Variants in REV1 observed in about 807,000 individuals in gnomAD.
REV1 encodes the protein translesion synthesis protein REV1.
In REV1, 42 loss-of-function variants were observed where a neutral mutation model predicts 137.4. The observed-to-expected ratio is 0.31, with a 90% CI of 0.24 to 0.40. The LOEUF is 0.40. Ranked by LOEUF, REV1 falls within the 10% of genes least tolerant of loss-of-function variation. REV1 has a pLI of 1.00. For synonymous variants in REV1, 524 were observed against 519.2 expected, an observed-to-expected ratio of 1.01 and a Z score of -0.12; for missense variants, 1,282 against 1,490.1, an observed-to-expected ratio of 0.86 and a Z score of 2.30.
chr2:99,458,139 T>C (rs1683741553), intron 3 of REV1, among the ~76,000 whole-genome samples: 1 of 152,284 alleles, frequency 6.6e-6, no homozygotes, highest in African/African-American at 2.4e-5. Context: ...CAAAAGACCA[T>C]TTCAAGAGGA....
In REV1 at chr2:99,405,982, CCAT is replaced by C; in HGVS notation, c.2736_2738del (p.Trp913del). ...CACTGACAGGAGTATGTAGACCATTCCATTTCCCTGAAGACTCAGCCTTGTTAG... is the reference window on the plus strand; with the variant it reads ...CACTGACAGGAGTATGTAGACCATTCTTCCCTGAAGACTCAGCCTTGTTAG... On this transcript the variant is annotated inframe_deletion, in exon 17 of 23. Coordinates refer to ENST00000258428, the MANE Select transcript of REV1 (RefSeq NM_016316.4). 6.2e-7 allele frequency: 1 copy of C among 1,614,036 alleles called. No individual in the cohort carries two copies. The highest frequency in any genetic ancestry group is 8.5e-7 in the Non-Finnish European group (1 of 1,179,930).
Position 99,401,336 on chromosome 2 carries a change from CCGATTG to C in REV1, c.3655_3660del (p.Gln1219_Ser1220del). 2.5e-6 allele frequency: 4 copies of C among 1,612,920 alleles called. No homozygotes were observed. Among genetic ancestry groups the C allele is most frequent in the Non-Finnish European group, 3.4e-6 (4 of 1,179,132 alleles). ...AATGCCATATTCCAAACCGATTCCA[CCGATTG>C]CTGCATCAGCCTAAAGGTGGGGAGA... On this transcript the variant is annotated inframe_deletion, in exon 23 of 23. Transcript: ENST00000258428.
intron 10 of REV1, among the ~76,000 whole-genome samples, chr2:99,422,142 T>C (rs1011133484): frequency 2.6e-5 from 4 of 152,352 alleles, no homozygotes; most frequent in Admixed American, 2.6e-4. Flanking sequence ...CCACTCACTG[T>C]AGCAGGCCTA....
chr2:99,419,667 G>A (rs552443680), intron 11 of REV1, among the ~76,000 whole-genome samples: 1 of 152,186 alleles, frequency 6.6e-6, no homozygotes, highest in South Asian at 2.1e-4. Flanking sequence ...AGCAGCAGTG[G>A]GAACTGAGGG....
At chr2:99,409,009 C>T (rs184941537) in intron 14 of REV1, among the ~76,000 whole-genome samples, 1 of 152,250 alleles carries the variant, frequency 6.6e-6, no homozygotes, top group Non-Finnish European at 1.5e-5. Context: ...CCACTAAAAG[C>T]TGAGCACAGT....
chr2:99,421,264 C>G (rs1678632735), intron 11 of REV1, among the ~76,000 whole-genome samples: 1 of 151,836 alleles, frequency 6.6e-6, no homozygotes, highest in Non-Finnish European at 1.5e-5. Context: ...TTGAATGAAA[C>G]CTTCCCAATT....
At chr2:99,472,395 A>G (rs1180065828) in intron 1 of REV1, among the ~76,000 whole-genome samples, 1 of 152,216 alleles carries the variant, frequency 6.6e-6, no homozygotes, top group Non-Finnish European at 1.5e-5. Flanking sequence ...TTGCGGGTGG[A>G]GTTACTGTTT....
chr2:99,440,301 T>C (rs1297574232), intron 5 of REV1, among the ~76,000 whole-genome samples: 2 of 152,246 alleles, frequency 1.3e-5, no homozygotes, highest in Non-Finnish European at 2.9e-5. Context: ...CAAATGTCCA[T>C]AGCATTAATT....
In REV1 at chr2:99,435,629, A is replaced by G. The variant is rs1680645185; in HGVS notation, c.1321+205T>C. ...ATGACATATCCTTCAGCTGAAGATG[A>G]ATATTCTTCCCTGAAGATCCCTATA... is the stretch of plus-strand genomic sequence containing the variant. On this transcript the variant is annotated intron_variant, in intron 7 of 22. Transcript: ENST00000258428. 4 of 375,220 alleles carry G rather than the reference A, an allele frequency of 1.1e-5. No homozygotes were observed. The East Asian group carries it at 1.9e-4, about 18-fold the overall frequency. The allele number at this position is 375,220 out of a possible 1,614,324, so 23.2% of individuals were successfully genotyped here. A position where few individuals can be genotyped will look rare whatever the true frequency, so the allele number is the denominator to read the frequency against.
intron 1 of REV1, among the ~76,000 whole-genome samples, chr2:99,466,797 G>A (rs1684855709): frequency 6.6e-6 from 1 of 152,152 alleles, no homozygotes; most frequent in African/African-American, 2.4e-5. Context: ...TTTTAAGTCT[G>A]ATGAAGGCAG....
In REV1 at chr2:99,403,057, T is replaced by C. The variant is rs1553538622; in HGVS notation, c.3216A>G (p.Lys1072=). ...LHLKAAVKEK[K]RNKKKKTIGS... is the part of the protein sequence containing the mutation. ...CAATGGTTTTTTTCTTCTTGTTTCTTTTCTTTTCTTTCACTGCTGCCTTTA... is the reference window on the plus strand; with the variant it reads ...CAATGGTTTTTTTCTTCTTGTTTCTCTTCTTTTCTTTCACTGCTGCCTTTA... The change falls in exon 20 of 23, where the codon AAA becomes AAG. Residue 1072 remains lysine, a synonymous_variant. Coordinates refer to ENST00000258428, the MANE Select transcript of REV1 (RefSeq NM_016316.4). 3 of 1,613,604 alleles carry C rather than the reference T, an allele frequency of 1.9e-6. No individual in the cohort carries two copies. The Admixed American group carries it at 5.0e-5, about 27-fold the overall frequency.
At chr2:99,482,039 G>C (rs1051070919) in intron 1 of REV1, among the ~76,000 whole-genome samples, 2 of 152,154 alleles carry the variant, frequency 1.3e-5, no homozygotes, top group Non-Finnish European at 2.9e-5. Context: ...TTCAGGATGG[G>C]GCCTGGCCAT....
At chr2:99,421,206 A>T (rs1225059620) in intron 11 of REV1, among the ~76,000 whole-genome samples, 1 of 152,146 alleles carries the variant, frequency 6.6e-6, no homozygotes, top group Non-Finnish European at 1.5e-5. Context: ...CCTAGCTTTA[A>T]ATACGGTTTC....
chr2:99,447,222 T>C (rs1488791068), intron 4 of REV1, among the ~76,000 whole-genome samples: 2 of 151,970 alleles, frequency 1.3e-5, no homozygotes, highest in Non-Finnish European at 2.9e-5. Context: ...AGTGGCGTGA[T>C]CTCAGCTCAT....
At chr2:99,483,330 T>C (rs977369060) in intron 1 of REV1, among the ~76,000 whole-genome samples, 5 of 152,186 alleles carry the variant, frequency 3.3e-5, no homozygotes, top group African/African-American at 1.2e-4. Context: ...GCTTAGAGAA[T>C]GTAAGATGCA....
chr2:99,446,761 G>A (rs949630113), intron 4 of REV1, among the ~76,000 whole-genome samples: 2 of 152,086 alleles, frequency 1.3e-5, no homozygotes, highest in East Asian at 1.9e-4. Context: ...CCAAAGTGGG[G>A]GGATTACATG....
At chr2:99,439,431 T>C (rs1681191558) in intron 5 of REV1, 121 bp from the exon 6 acceptor site, 1 of 609,438 alleles carries the variant, frequency 1.6e-6, no homozygotes, top group African/African-American at 1.9e-5. Flanking sequence ...AAACAGAAAA[T>C]TCTTATATTG....
chr2:99,435,758 A>G, intron 7 of REV1, 76 bp downstream of exon 7: 1 of 772,000 alleles, frequency 1.3e-6, no homozygotes, highest in East Asian at 3.2e-5. Context: ...TTTTTAAAAA[A>G]AGATTTTGTA....
intron 9 of REV1, among the ~76,000 whole-genome samples, chr2:99,427,836 T>C (rs941857171): frequency 3.3e-5 from 5 of 152,210 alleles, no homozygotes; most frequent in Non-Finnish European, 5.9e-5. Context: ...CATCTGCACT[T>C]AAGTGGCACT....
Sources: allele counts gnomAD v4.1 joint callset (sites outside exome capture counted in the v4.1 genomes callset), GRCh38; gene constraint gnomAD v4.1.1; transcripts MANE v1.5; gene names NCBI Gene and HGNC (gene_info 2026-07-23, HGNC 2026-07-21).